Variants in GPATCH8 observed in about 807,000 individuals in gnomAD.
GPATCH8 encodes G patch domain-containing protein 8.
GPATCH8 carries 18 observed loss-of-function variants against 118.3 expected under a neutral mutation model. That is an observed-to-expected ratio of 0.15 (90% CI 0.11 to 0.23). GPATCH8 has a LOEUF of 0.23. GPATCH8 is among the 10% of genes least tolerant of loss of function. The pLI, the probability that GPATCH8 is intolerant of heterozygous loss-of-function variation, is 1.00. For missense variants in GPATCH8, 1,631 were observed against 1,873.8 expected, an observed-to-expected ratio of 0.87 and a Z score of 2.39; for synonymous variants, 659 against 684.7, an observed-to-expected ratio of 0.96 and a Z score of 0.59.
At chr17:44,414,224 C>T (rs2049592089) in intron 6 of GPATCH8, among the ~76,000 whole-genome samples, 1 of 150,346 alleles carries the variant, frequency 6.7e-6, no homozygotes, top group African/African-American at 2.4e-5. Context: ...ATATTTTCAC[C>T]ACCACTACCA....
chr17:44,462,985 T>TATAAATAAATAAATAA (rs57126645), intron 3 of GPATCH8, among the ~76,000 whole-genome samples: 3 of 149,528 alleles, frequency 2.0e-5, no homozygotes, highest in Admixed American at 1.3e-4. Context: ...CACTTCAAAA[T>TATAAATAAATAAATAA]ATAAATAAAT....
At chr17:44,462,863 C>T (rs1281163554) in intron 3 of GPATCH8, among the ~76,000 whole-genome samples, 3 of 151,962 alleles carry the variant, frequency 2.0e-5, no homozygotes, top group Non-Finnish European at 4.4e-5. Flanking sequence ...CGCCTGTAGT[C>T]CCAGCTACTT....
intron 3 of GPATCH8, among the ~76,000 whole-genome samples, chr17:44,442,914 C>T (rs2050752793): frequency 6.6e-6 from 1 of 152,062 alleles, no homozygotes; most frequent in Admixed American, 6.6e-5. Context: ...TCTGTCTCTC[C>T]AAAAAATTTT....
chr17:44,478,118 G>A (rs1170255619), intron 1 of GPATCH8, among the ~76,000 whole-genome samples: 1 of 152,168 alleles, frequency 6.6e-6, no homozygotes, highest in Non-Finnish European at 1.5e-5. Flanking sequence ...GAGCCACCAA[G>A]CGCAGCCTGA....
At chr17:44,417,346 C>G (rs1283657131) in intron 6 of GPATCH8, among the ~76,000 whole-genome samples, 1 of 152,156 alleles carries the variant, frequency 6.6e-6, no homozygotes, top group African/African-American at 2.4e-5. Flanking sequence ...CCTCTAGCAG[C>G]TGGGACCACA....
intron 2 of GPATCH8, chr17:44,465,054 A>G (rs2051707058): frequency 6.6e-6 from 1 of 152,086 alleles, no homozygotes; most frequent in African/African-American, 2.4e-5. Context: ...TGAAAAAACA[A>G]TCAGAGCAAA....
chr17:44,450,133 A>C (rs1448474060), intron 3 of GPATCH8, among the ~76,000 whole-genome samples: 1 of 152,210 alleles, frequency 6.6e-6, no homozygotes, highest in Non-Finnish European at 1.5e-5. Context: ...GCAGAGTTAG[A>C]ATTGAACCCA....
intron 1 of GPATCH8, among the ~76,000 whole-genome samples, chr17:44,478,887 C>A (rs1438596302): frequency 6.6e-6 from 1 of 151,974 alleles, no homozygotes; most frequent in Non-Finnish European, 1.5e-5. Context: ...AACAGGCATA[C>A]ACCATGACGC....
intron 1 of GPATCH8, among the ~76,000 whole-genome samples, chr17:44,485,232 T>C (rs768844624): frequency 2.6e-5 from 4 of 152,148 alleles, no homozygotes; most frequent in Non-Finnish European, 5.9e-5. Flanking sequence ...GCCCCCCAAG[T>C]GGCTGGGACT....
At chr17:44,492,816 T>C (rs1969361115) in intron 1 of GPATCH8, among the ~76,000 whole-genome samples, 1 of 152,104 alleles carries the variant, frequency 6.6e-6, no homozygotes, top group African/African-American at 2.4e-5. Flanking sequence ...CCAGTAGAAA[T>C]ACCATTCTCC....
At chr17:44,444,480 G>GA (rs1166059602) in intron 3 of GPATCH8, among the ~76,000 whole-genome samples, 62 of 147,282 alleles carry the variant, frequency 4.2e-4, no homozygotes, top group Admixed American at 1.1e-3. Flanking sequence ...TTAGTTTAAA[G>GA]AAAAAAAAAA....
chr17:44,428,635 T>C (rs2050176611), intron 5 of GPATCH8, among the ~76,000 whole-genome samples: 1 of 151,818 alleles, frequency 6.6e-6, no homozygotes, highest in South Asian at 2.1e-4. Flanking sequence ...AAACCCTGTC[T>C]TTACAAAAAA....
chr17:44,408,623 CA>C (rs2049318069), intron 6 of GPATCH8, among the ~76,000 whole-genome samples: 1 of 152,148 alleles, frequency 6.6e-6, no homozygotes, highest in Non-Finnish European at 1.5e-5. Context: ...TCCAAAAGAA[CA>C]ATCATTTTAT....
rs1353782405 is a variant in GPATCH8 at position 44,397,869 on chromosome 17, G to A, written c.4208C>T (p.Ala1403Val). 6.2e-7 allele frequency: 1 copy of A among 1,608,910 alleles called. No homozygotes were observed. Among genetic ancestry groups the A allele is most frequent in the African/African-American group, 1.3e-5 (1 of 74,810 alleles). Residue 1403 changes from alanine to valine, a missense_variant, in exon 8 of 8, where the codon GCC becomes GTC. By Grantham distance (64) the Ala-to-Val change is moderately conservative. This residue lies in a region of GPATCH8 where 111 missense variants were observed against 112.4 expected (regional missense o/e 0.99). Transcript: ENST00000591680. ...IHPHPHPQPL[A>V]QVHHIPQPHL... The stretch of plus-strand genomic sequence containing the variant: ...GGGCTGGGGAATATGATGCACCTGG[G>A]CAAGTGGTTGGGGATGGGGGTGAGG...
intron 1 of GPATCH8, among the ~76,000 whole-genome samples, chr17:44,495,118 G>T (rs1381456785): frequency 1.3e-5 from 2 of 152,072 alleles, no homozygotes; most frequent in Non-Finnish European, 2.9e-5. Context: ...GCAGATCACT[G>T]GAGGTGGGAG....
chr17:44,408,430 G>A (rs899428891), intron 6 of GPATCH8, among the ~76,000 whole-genome samples: 1 of 151,762 alleles, frequency 6.6e-6, no homozygotes, highest in African/African-American at 2.4e-5. Context: ...CAGGTGATCC[G>A]CCCGCCTCGG....
intron 3 of GPATCH8, among the ~76,000 whole-genome samples, chr17:44,458,778 C>T (rs562259362): frequency 7.9e-5 from 12 of 152,304 alleles, no homozygotes; most frequent in African/African-American, 2.9e-4. Context: ...CCCACCTTGG[C>T]CTCCCAAAGT....
intron 3 of GPATCH8, among the ~76,000 whole-genome samples, chr17:44,437,369 C>T (rs1287586685): frequency 2.0e-5 from 3 of 152,056 alleles, no homozygotes; most frequent in Non-Finnish European, 2.9e-5. Context: ...CAAAATGGGG[C>T]AGACAAGCAC....
At chr17:44,474,805 G>A (rs1296508438) in intron 2 of GPATCH8, 24 bp downstream of exon 2, 32 of 1,312,194 alleles carry the variant, frequency 2.4e-5, no homozygotes, top group Admixed American at 1.8e-4. Flanking sequence ...GCTAAGACCC[G>A]AAATTAAGCA....
Sources: allele counts gnomAD v4.1 joint callset (sites outside exome capture counted in the v4.1 genomes callset), GRCh38; gene constraint gnomAD v4.1.1; regional missense constraint gnomAD v4.1.1; transcripts MANE v1.5; gene names NCBI Gene and HGNC (gene_info 2026-07-23, HGNC 2026-07-21).